NHSL1: variants seen among roughly 807,000 people sequenced by gnomAD.
NHSL1 encodes the protein NHS like 1.
In NHSL1, 48 loss-of-function variants were observed where a neutral mutation model predicts 95.0. The ratio of observed to expected loss-of-function variants is 0.51; its 90% CI spans 0.40 to 0.64. NHSL1 has a LOEUF of 0.64. Ranked by LOEUF, NHSL1 falls within the 30% of genes least tolerant of loss-of-function variation. The probability of loss-of-function intolerance (pLI) is 0.00; values close to 1 mark genes in which losing one functional copy is unlikely to be tolerated. For missense variants in NHSL1, 1,971 were observed against 2,077.7 expected, an observed-to-expected ratio of 0.95 and a Z score of 1.00; for synonymous variants, 783 against 833.9, an observed-to-expected ratio of 0.94 and a Z score of 1.05.
At chr6:138,569,765 G>C (rs992569123) in intron 1 of NHSL1, among the ~76,000 whole-genome samples, 2 of 152,042 alleles carry the variant, frequency 1.3e-5, no homozygotes, top group African/African-American at 4.8e-5. Flanking sequence ...ATTTTCTTTT[G>C]TAAGTCAAAT....
At chr6:138,593,369 G>A (rs1039140310) in intron 1 of NHSL1, among the ~76,000 whole-genome samples, 1 of 152,180 alleles carries the variant, frequency 6.6e-6, no homozygotes. Context: ...AGTGAGTCAC[G>A]TTTCCGTTTC....
At chr6:138,566,147 CA>C (rs1299467741) in intron 1 of NHSL1, among the ~76,000 whole-genome samples, 10 of 152,072 alleles carry the variant, frequency 6.6e-5, no homozygotes, top group African/African-American at 2.2e-4. Flanking sequence ...CTTGTAATCC[CA>C]ACACTTTGGG....
intron 1 of NHSL1, among the ~76,000 whole-genome samples, chr6:138,580,007 T>G (rs1784028751): frequency 6.6e-6 from 1 of 152,206 alleles, no homozygotes; most frequent in Non-Finnish European, 1.5e-5. Flanking sequence ...AACCTTACTT[T>G]TAATAATCTA....
chr6:138,655,043 A>G (rs142534330), intron 1 of NHSL1, among the ~76,000 whole-genome samples: 131 of 152,334 alleles, frequency 8.6e-4, no homozygotes, highest in African/African-American at 3.0e-3. Flanking sequence ...ACTAAAATCC[A>G]TAACATATTC....
intron 3 of NHSL1, among the ~76,000 whole-genome samples, chr6:138,455,507 A>ACATGCTCCCTGCAAGAAGCCCCGCCTTCG (rs1562287815): frequency 9.6e-5 from 7 of 72,682 alleles, no homozygotes; most frequent in African/African-American, 3.7e-4. Context: ...CCCCGCCTTC[A>ACATGCTCCCTGCAAGAAGCCCCGCCTTCG]CATGCTCCCT....
At chr6:138,615,991 C>T (rs1364408861) in intron 1 of NHSL1, among the ~76,000 whole-genome samples, 4 of 152,128 alleles carry the variant, frequency 2.6e-5, no homozygotes. Flanking sequence ...GGAGTTTGAG[C>T]CCAGCCTGGG....
At chr6:138,522,861 A>G (rs1781741858) in intron 1 of NHSL1, among the ~76,000 whole-genome samples, 1 of 152,130 alleles carries the variant, frequency 6.6e-6, no homozygotes, top group South Asian at 2.1e-4. Context: ...GTTTGAGTCT[A>G]TGGTGCACTG....
chr6:138,651,652 T>A (rs1243396665), intron 1 of NHSL1, among the ~76,000 whole-genome samples: 1 of 152,232 alleles, frequency 6.6e-6, no homozygotes. Context: ...ACTATCCATA[T>A]ACTCATGTGA....
chr6:138,606,995 C>T (rs550121381), intron 1 of NHSL1, among the ~76,000 whole-genome samples: 8 of 152,284 alleles, frequency 5.3e-5, no homozygotes, highest in Admixed American at 2.0e-4. Flanking sequence ...TGAGCCTCCA[C>T]GCCCGGCCCC....
chr6:138,481,654 A>G (rs1294096119), intron 2 of NHSL1, among the ~76,000 whole-genome samples: 3 of 152,234 alleles, frequency 2.0e-5, no homozygotes, highest in Non-Finnish European at 1.5e-5. Flanking sequence ...GTAGTTTTAA[A>G]TAAGTTTCAA....
At chr6:138,490,516 G>C (rs1366168783) in intron 2 of NHSL1, among the ~76,000 whole-genome samples, 1 of 152,206 alleles carries the variant, frequency 6.6e-6, no homozygotes, top group Non-Finnish European at 1.5e-5. Flanking sequence ...AAGGGAGCTA[G>C]GAGGCTTCAT....
chr6:138,544,736 C>T (rs1782715359), intron 1 of NHSL1, among the ~76,000 whole-genome samples: 1 of 152,254 alleles, frequency 6.6e-6, no homozygotes, highest in South Asian at 2.1e-4. Flanking sequence ...AAATTCATCT[C>T]CCCCTCTACC....
rs879837430 is a variant in NHSL1, at chr6:138,635,091, AC to A, written c.96+57384del. 2.8e-3 allele frequency among the ~76,000 whole-genome samples: 429 copies of A among 151,882 alleles called. 1 individual carries two copies. The highest frequency in any genetic ancestry group is 4.4e-3 in the Non-Finnish European group (302 of 67,914). Reference sequence around the variant, plus strand: ...AAGTACCTACATTAAAAAAAAAAAAACTTCAAATAAACAACCTAACAATACA... The same window carrying A: ...AAGTACCTACATTAAAAAAAAAAAAATTCAAATAAACAACCTAACAATACA... On this transcript the variant is annotated intron_variant, in intron 1 of 3. Transcript: ENST00000491526.
intron 1 of NHSL1, among the ~76,000 whole-genome samples, chr6:138,535,361 C>G (rs1212075947): frequency 6.6e-6 from 1 of 151,906 alleles, no homozygotes; most frequent in East Asian, 1.9e-4. Context: ...CCCAGGAGTT[C>G]GAGACCAGTC....
At chr6:138,615,668 T>C (rs1323737363) in intron 1 of NHSL1, among the ~76,000 whole-genome samples, 1 of 152,174 alleles carries the variant, frequency 6.6e-6, no homozygotes, top group African/African-American at 2.4e-5. Flanking sequence ...GACGGGGGTG[T>C]CCCCGTGTTA....
At chr6:138,681,892 G>C (rs369551738) in intron 1 of NHSL1, among the ~76,000 whole-genome samples, 8 of 151,938 alleles carry the variant, frequency 5.3e-5, no homozygotes, top group African/African-American at 1.9e-4. Context: ...TCATAACAGG[G>C]AGTGCAGGGG....
At chr6:138,571,929 C>A (rs1407512507) in exon 1 of NHSL1, 2 of 1,549,722 alleles carry the variant, frequency 1.3e-6, no homozygotes, top group Non-Finnish European at 1.7e-6. Context: ...TCAAAATCAA[C>A]TAGAGACAAA....
At chr6:138,669,842 C>T (rs142531886) in intron 1 of NHSL1, among the ~76,000 whole-genome samples, 64 of 152,194 alleles carry the variant, frequency 4.2e-4, no homozygotes, top group Middle Eastern at 3.4e-3. Context: ...ACTGACAGGC[C>T]GGGTGCAGTG....
chr6:138,473,699 A>G (rs1250187427), intron 2 of NHSL1, among the ~76,000 whole-genome samples: 1 of 152,164 alleles, frequency 6.6e-6, no homozygotes, highest in African/African-American at 2.4e-5. Flanking sequence ...GGTAGACACC[A>G]TCATTAATTC....
Sources: gnomAD v4.1 joint callset for allele counts (sites outside exome capture counted in the v4.1 genomes callset) on GRCh38, gnomAD v4.1.1 for gene constraint, MANE v1.5 for transcripts, NCBI Gene and HGNC (gene_info 2026-07-23, HGNC 2026-07-21) for gene names.